The following ITGA11 variants were observed in gnomAD, a reference collection of about 807,000 sequenced individuals.
ITGA11 encodes the protein integrin alpha-11.
Under a neutral mutation model 141.9 loss-of-function variants are expected in ITGA11, and 97 were observed. That is an observed-to-expected ratio of 0.68 (90% CI 0.58 to 0.81). The LOEUF is 0.81. ITGA11 is among the 30% of genes least tolerant of loss of function. ITGA11 has a pLI of 0.00. For synonymous variants in ITGA11, 658 were observed against 624.6 expected, an observed-to-expected ratio of 1.05 and a Z score of -0.80; for missense variants, 1,387 against 1,559.2, an observed-to-expected ratio of 0.89 and a Z score of 1.86.
At chr15:68,386,806 G>A (rs918915894) in intron 2 of ITGA11, among the ~76,000 whole-genome samples, 1 of 152,176 alleles carries the variant, frequency 6.6e-6, no homozygotes, top group African/African-American at 2.4e-5. Context: ...TGCTGCAGGT[G>A]GGTGCTGGGA....
chr15:68,350,362 T>A (rs976929633), intron 9 of ITGA11, among the ~76,000 whole-genome samples: 1 of 144,336 alleles, frequency 6.9e-6, no homozygotes, highest in Non-Finnish European at 1.5e-5. Context: ...TTTTTGTAAT[T>A]TTTTTTTTAA....
intron 2 of ITGA11, among the ~76,000 whole-genome samples, chr15:68,394,065 A>G (rs998937762): frequency 2.6e-5 from 4 of 152,212 alleles, no homozygotes; most frequent in African/African-American, 9.6e-5. Context: ...ATAAGAGACC[A>G]TTCAAGACTA....
chr15:68,420,776 AC>A (rs756326272), intron 1 of ITGA11, among the ~76,000 whole-genome samples: 19 of 152,232 alleles, frequency 1.2e-4, no homozygotes, highest in Non-Finnish European at 2.5e-4. Flanking sequence ...AACTCAACAG[AC>A]AAAAATCTTT....
At position 68,317,318 on chromosome 15, in the gene ITGA11, G is replaced by A. The variant is rs898425756; in HGVS notation, c.2662C>T (p.Leu888Phe). 2 of 1,613,876 alleles carry A rather than the reference G, an allele frequency of 1.2e-6. No homozygotes were observed. Among genetic ancestry groups the A allele is most frequent in the African/African-American group, 1.3e-5 (1 of 75,006 alleles). Reference protein sequence around the residue: ...SIECVNEERRLQKQVCNVSYP... With the variant: ...SIECVNEERRFQKQVCNVSYP... ...CTGACGTTGCAGACTTGCTTCTGGA[G>A]CCTCCTCTCCTCGTTCACACACTCA... The change falls in exon 21 of 30, where the codon CTC becomes TTC. Residue 888 changes from leucine to phenylalanine, a missense_variant. Physicochemically the swap from Leu to Phe is conservative, Grantham distance 22. Transcript: ENST00000315757.
rs772638384 is a variant in ITGA11 at position 68,328,248 on chromosome 15, A to C, written c.1916T>G (p.Val639Gly). ...AAAGTGGAGGCTGGCATTGATCTGA[A>C]CCACTGGGCGGGACCTGGAGGAGAA... Reference protein sequence around the residue: ...NAVILWSRPVVQINASLHFEP... With the variant: ...NAVILWSRPVGQINASLHFEP... Residue 639 changes from valine (V) to glycine (G), a missense_variant, in exon 16 of 30, where the codon GTT (valine) becomes GGT (glycine). By Grantham distance (109) the Val-to-Gly change is moderately radical (BLOSUM62 -3). Coordinates refer to ENST00000315757, the MANE Select transcript of ITGA11 (RefSeq NM_001004439.2). The surrounding 1 kb of genome is among the most constrained non-coding windows in gnomAD (Gnocchi z 4.8). The C allele has an allele frequency of 6.2e-7, 1 of 1,613,428 alleles. No homozygotes were observed. Among genetic ancestry groups the C allele is most frequent in the Non-Finnish European group, 8.5e-7 (1 of 1,179,696 alleles).
chr15:68,402,165 T>C (rs1896528052), intron 2 of ITGA11, among the ~76,000 whole-genome samples: 1 of 151,898 alleles, frequency 6.6e-6, no homozygotes, highest in Non-Finnish European at 1.5e-5. Context: ...CAAGGGCTTC[T>C]AAAAGGGCCA....
chr15:68,319,477 G>T (rs1893716975), intron 20 of ITGA11, among the ~76,000 whole-genome samples: 11 of 152,232 alleles, frequency 7.2e-5, no homozygotes, highest in Admixed American at 7.2e-4. Flanking sequence ...AGGGCGTGCT[G>T]GGAACAAGGT....
intron 2 of ITGA11, among the ~76,000 whole-genome samples, chr15:68,372,009 G>T (rs769957476): frequency 6.6e-6 from 1 of 152,110 alleles, no homozygotes. Flanking sequence ...GCTTACTGTC[G>T]CCATAATATA....
chr15:68,427,192 T>C (rs1897163778), intron 1 of ITGA11, among the ~76,000 whole-genome samples: 1 of 152,174 alleles, frequency 6.6e-6, no homozygotes, highest in Admixed American at 6.5e-5. Flanking sequence ...CTTATTGAGA[T>C]GTGAGAAAGT....
At position 68,421,339 on chromosome 15, in the gene ITGA11, G is replaced by A. The variant is rs571530811; in HGVS notation, c.52+10676C>T. Among the ~76,000 whole-genome samples the A allele has an allele frequency of 8.9e-4, 135 of 152,296 alleles. 1 individual carries two copies. The highest frequency in any genetic ancestry group is 2.5e-3 in the Admixed American group (39 of 15,306). The stretch of plus-strand genomic sequence containing the variant: ...AGCCCGGAGGCCCCAGGGGTGGAGC[G>A]GAGTGAGCCAGTGGGGAAGGCACAG... On this transcript the variant is annotated intron_variant, in intron 1 of 29. Coordinates refer to ENST00000315757, the MANE Select transcript of ITGA11 (RefSeq NM_001004439.2).
Position 68,325,225 on chromosome 15 carries a change from A to G in ITGA11, c.2228T>C (p.Val743Ala). 6.2e-7 allele frequency: 1 copy of G among 1,613,612 alleles called. No homozygotes were observed. The highest frequency in any genetic ancestry group is 1.1e-5 in the South Asian group (1 of 91,060). ...NFHVLDTADY[V>A]KPVTFSVEYS... Reference sequence around the variant, plus strand: ...CTCGACTGAGAAGGTCACTGGCTTCACGTAGTCAGCAGTGTCCTGGGGGGT... The same window carrying G: ...CTCGACTGAGAAGGTCACTGGCTTCGCGTAGTCAGCAGTGTCCTGGGGGGT... Residue 743 changes from valine to alanine, a missense_variant, in exon 18 of 30, where the codon GTG becomes GCG. Transcript: ENST00000315757. This position sits in a 1 kb window ranked among gnomAD's most constrained non-coding sequence, Gnocchi z 5.5.
At chr15:68,357,130 T>C (rs763836628) in intron 7 of ITGA11, 21 bp downstream of exon 7, 1 of 1,603,872 alleles carries the variant, frequency 6.2e-7, no homozygotes, top group Non-Finnish European at 8.5e-7. Context: ...AAAAATTTTT[T>C]TTGTTCTACT....
At chr15:68,378,741 C>T (rs1227234565) in intron 2 of ITGA11, among the ~76,000 whole-genome samples, 3 of 152,152 alleles carry the variant, frequency 2.0e-5, no homozygotes, top group Admixed American at 6.6e-5. Flanking sequence ...GTCATGAAGT[C>T]GGTAGATACA....
chr15:68,320,718 C>T (rs924638808), intron 19 of ITGA11, among the ~76,000 whole-genome samples: 1 of 152,206 alleles, frequency 6.6e-6, no homozygotes, highest in Non-Finnish European at 1.5e-5. Context: ...TGCTAGGAAG[C>T]TCAGCACTAA....
chr15:68,296,793 T>C lies in ITGA11; in HGVS notation c.*6266A>G, dbSNP rs1341144098. On this transcript the variant is annotated 3_prime_UTR_variant, in exon 30 of 30. Coordinates refer to ENST00000315757, the MANE Select transcript of ITGA11 (RefSeq NM_001004439.2). Reference sequence around the variant, plus strand: ...ATGGATTCTGAGTTTTAGATCCTGCTTGTAAGGCTGTCTCTATTCCAAGTC... The same window carrying C: ...ATGGATTCTGAGTTTTAGATCCTGCCTGTAAGGCTGTCTCTATTCCAAGTC... 6.6e-6 allele frequency: 1 copy of C among 152,030 alleles called. No individual in the cohort carries two copies. The highest frequency in any genetic ancestry group is 1.5e-5 in the Non-Finnish European group (1 of 68,020). 9.4% of individuals were successfully genotyped at this position (152,030 alleles called of 1,614,324 possible).
At chr15:68,420,650 A>G (rs1309839988) in intron 1 of ITGA11, among the ~76,000 whole-genome samples, 1 of 141,776 alleles carries the variant, frequency 7.1e-6, no homozygotes. Context: ...TGGGATTTCT[A>G]GCAACTGTGG....
chr15:68,415,034 C>G (rs757752660), intron 1 of ITGA11, among the ~76,000 whole-genome samples: 1 of 152,110 alleles, frequency 6.6e-6, no homozygotes, highest in Non-Finnish European at 1.5e-5. Flanking sequence ...TGCAAAAGAC[C>G]CCCCTGTTTT....
intron 1 of ITGA11, among the ~76,000 whole-genome samples, chr15:68,413,043 G>A (rs1006667755): frequency 6.6e-6 from 1 of 152,066 alleles, no homozygotes; most frequent in Non-Finnish European, 1.5e-5. Context: ...TCCAAACTTT[G>A]TTTTTCTACA....
chr15:68,327,591 G>C (rs1894019781), intron 16 of ITGA11, among the ~76,000 whole-genome samples: 1 of 152,242 alleles, frequency 6.6e-6, no homozygotes, highest in Non-Finnish European at 1.5e-5. Context: ...GGCCAGGGCT[G>C]TCATGAGTAG....
Sources: gnomAD v4.1 joint callset for allele counts (sites outside exome capture counted in the v4.1 genomes callset) on GRCh38, gnomAD v4.1.1 for gene constraint, Gnocchi (gnomAD v3.1) non-coding constraint, MANE v1.5 for transcripts, NCBI Gene and HGNC (gene_info 2026-07-23, HGNC 2026-07-21) for gene names.